Variants in SEMA3A observed in about 807,000 individuals in gnomAD.
SEMA3A encodes the protein semaphorin 3A.
Under a neutral mutation model 97.9 loss-of-function variants are expected in SEMA3A, and 29 were observed. The observed-to-expected ratio is 0.30, with a 90% CI of 0.22 to 0.40. The LOEUF (loss-of-function observed/expected upper bound fraction) is 0.40, where lower values mean the gene tolerates loss of function less well. SEMA3A is among the 10% of genes least tolerant of loss of function. SEMA3A has a pLI of 1.00. For synonymous variants in SEMA3A, 321 were observed against 323.7 expected (o/e 0.99, Z 0.09); for missense variants, 763 against 951.3 (o/e 0.80, Z 2.60).
rs140896116 is a variant in SEMA3A, at chr7:84,149,629, A to G, written c.113-14678T>C. 6.6e-3 allele frequency among the ~76,000 whole-genome samples: 1,009 copies of G among 152,356 alleles called. 13 individuals carry two copies. Among genetic ancestry groups the G allele is most frequent in the African/African-American group, 0.023 (949 of 41,586 alleles). On this transcript the variant is annotated intron_variant, in intron 1 of 16. Coordinates refer to ENST00000265362, the MANE Select transcript of SEMA3A (RefSeq NM_006080.3). ...TATAGATTGGGCAAAAATATAGCAT[A>G]AGCTAATTTCTCATTAAACTTACTT...
chr7:84,356,624 T>A (rs1432687133), intron 2 of SEMA3A, among the ~76,000 whole-genome samples: 2 of 151,910 alleles, frequency 1.3e-5, no homozygotes, highest in East Asian at 3.9e-4. Flanking sequence ...AATATGCATT[T>A]TAGTAAGAAA....
intron 3 of SEMA3A, among the ~76,000 whole-genome samples, chr7:84,281,932 T>G (rs1003502321): frequency 3.9e-5 from 6 of 152,206 alleles, no homozygotes; most frequent in African/African-American, 1.4e-4. Context: ...TTTCTTTTTC[T>G]TCTGTATCTT....
intron 3 of SEMA3A, among the ~76,000 whole-genome samples, chr7:84,259,706 C>T (rs1252928928): frequency 6.6e-6 from 1 of 150,784 alleles, no homozygotes. Flanking sequence ...ATAGATGTCA[C>T]TAATGAAAAC....
intron 5 of SEMA3A, among the ~76,000 whole-genome samples, chr7:84,055,549 C>T (rs757808760): frequency 1.3e-4 from 20 of 152,338 alleles, no homozygotes; most frequent in Admixed American, 2.6e-4. Context: ...GGCTATGCCT[C>T]GCCCTGCTTT....
At chr7:84,077,590 C>A (rs1414915852) in intron 4 of SEMA3A, among the ~76,000 whole-genome samples, 1 of 151,986 alleles carries the variant, frequency 6.6e-6, no homozygotes, top group East Asian at 1.9e-4. Flanking sequence ...TTTGTTTCAG[C>A]AAAGCCTTGT....
At chr7:84,043,087 T>C (rs1317997954) in intron 6 of SEMA3A, among the ~76,000 whole-genome samples, 1 of 152,012 alleles carries the variant, frequency 6.6e-6, no homozygotes, top group African/African-American at 2.4e-5. Context: ...CCTAGCAGTA[T>C]ATTTTCTGAA....
At chr7:84,037,352 C>T (rs927242275) in intron 6 of SEMA3A, among the ~76,000 whole-genome samples, 5 of 152,028 alleles carry the variant, frequency 3.3e-5, no homozygotes, top group East Asian at 3.9e-4. Context: ...GTTTGAGACA[C>T]GGTCTGGCTC....
At chr7:84,489,868 A>G (rs1806674563) in intron 1 of SEMA3A, among the ~76,000 whole-genome samples, 1 of 152,112 alleles carries the variant, frequency 6.6e-6, no homozygotes, top group African/African-American at 2.4e-5. Flanking sequence ...TTAGAAAGAG[A>G]ATATCCCTTA....
chr7:84,364,331 C>T (rs1347949228), intron 2 of SEMA3A, among the ~76,000 whole-genome samples: 2 of 151,500 alleles, frequency 1.3e-5, no homozygotes, highest in Non-Finnish European at 3.0e-5. Flanking sequence ...CTTAAAGAAA[C>T]AAAATACAGA....
chr7:84,397,418 T>C (rs1331496720), intron 1 of SEMA3A, among the ~76,000 whole-genome samples: 3 of 148,208 alleles, frequency 2.0e-5, no homozygotes, highest in African/African-American at 7.3e-5. Flanking sequence ...ATAAGCATTA[T>C]ATATATAAAA....
intron 1 of SEMA3A, among the ~76,000 whole-genome samples, chr7:84,185,002 G>A (rs1333717637): frequency 1.3e-5 from 2 of 152,092 alleles, no homozygotes; most frequent in Non-Finnish European, 2.9e-5. Context: ...CAAAGGGAGA[G>A]ACTGTCTCTC....
chr7:84,484,063 A>C, intron 1 of SEMA3A, among the ~76,000 whole-genome samples: 1 of 151,972 alleles, frequency 6.6e-6, no homozygotes, highest in East Asian at 1.9e-4. Context: ...GAAAAAAAAA[A>C]AAAGAAAAAA....
chr7:84,447,339 G>A (rs1291459961), intron 1 of SEMA3A, among the ~76,000 whole-genome samples: 3 of 152,114 alleles, frequency 2.0e-5, no homozygotes, highest in Admixed American at 1.3e-4. Flanking sequence ...GCGGAGAGAC[G>A]GTCCTGGTGA....
Position 84,314,839 on chromosome 7 carries a change from C to T in SEMA3A, c.-168-7547G>A, listed in dbSNP as rs559009947. ...TTTGAGGAAATTGCCAGCTAAGACT[C>T]GATTAGAAAGTCATTTTTTCAAGTA... On this transcript the variant is annotated intron_variant, in intron 2 of 3. Transcript: ENST00000424555. Among the ~76,000 whole-genome samples, 7 of 151,870 alleles carry T rather than the reference C, an allele frequency of 4.6e-5. No homozygotes were observed. The East Asian group carries it at 9.7e-4, about 21-fold the overall frequency.
chr7:84,173,513 C>T (rs975703662), intron 1 of SEMA3A, among the ~76,000 whole-genome samples: 3 of 141,038 alleles, frequency 2.1e-5, no homozygotes, highest in Admixed American at 1.5e-4. Flanking sequence ...GAGCCGAGAT[C>T]ACGCCACTGC....
rs561705081 is a variant in SEMA3A at position 84,373,041 on chromosome 7, G to A, written c.-245-1141C>T. ...CCATTCGCTCTCTTGTCCTTTTGCC[G>A]TCACCATAAAATGTACATACCTGGG... On this transcript the variant is annotated intron_variant, in intron 1 of 3. Coordinates refer to the SEMA3A transcript ENST00000424555. 5.3e-5 allele frequency among the ~76,000 whole-genome samples: 8 copies of A among 152,226 alleles called. No homozygotes were observed. The South Asian group carries it at 1.2e-3, about 24-fold the overall frequency.
In SEMA3A at chr7:84,099,075, CT is replaced by C. The variant is rs71078803; in HGVS notation, c.453+11394del. On this transcript the variant is annotated intron_variant, in intron 4 of 16. Coordinates refer to ENST00000265362, the MANE Select transcript of SEMA3A (RefSeq NM_006080.3). ...CAGGAATTACATTTTCTTTTTTTTTCTTTTTTTTTTTTTGAGACGGAGTCTC... is the reference window on the plus strand; with the variant it reads ...CAGGAATTACATTTTCTTTTTTTTTCTTTTTTTTTTTTGAGACGGAGTCTC... Among the ~76,000 whole-genome samples, 40 of 70,876 alleles carry C rather than the reference CT, an allele frequency of 5.6e-4. 8 individuals are homozygous for C. Among genetic ancestry groups the C allele is most frequent in the Non-Finnish European group, 1.0e-3 (30 of 29,340 alleles). 46.5% of individuals were successfully genotyped at this position (70,876 alleles called of 152,430 possible).
chr7:84,326,800 C>T (rs1168049629), intron 2 of SEMA3A, among the ~76,000 whole-genome samples: 1 of 151,940 alleles, frequency 6.6e-6, no homozygotes, highest in African/African-American at 2.4e-5. Flanking sequence ...CTCTTCCTTA[C>T]ATCATATACA....
chr7:83,963,093 A>C, intron 16 of SEMA3A, 112 bp downstream of exon 16: 6 of 1,151,866 alleles, frequency 5.2e-6, no homozygotes, highest in Non-Finnish European at 6.3e-6. Flanking sequence ...TGATTGGTTC[A>C]GAAGAGGATA....
Sources: allele counts gnomAD v4.1 joint callset (sites outside exome capture counted in the v4.1 genomes callset), GRCh38; gene constraint gnomAD v4.1.1; transcripts MANE v1.5; gene names NCBI Gene and HGNC (gene_info 2026-07-23, HGNC 2026-07-21).